Variants in NUP160 observed in about 807,000 individuals in gnomAD.
NUP160 encodes nuclear pore complex protein Nup160.
NUP160 carries 94 observed loss-of-function variants against 196.9 expected under a neutral mutation model. The ratio of observed to expected loss-of-function variants is 0.48; its 90% CI spans 0.40 to 0.57. NUP160 has a LOEUF of 0.57. NUP160 is among the 20% of genes least tolerant of loss of function. The pLI, the probability that NUP160 is intolerant of heterozygous loss-of-function variation, is 0.00. For missense variants in NUP160, 1,638 were observed against 1,748.3 expected (o/e 0.94, Z 1.13); for synonymous variants, 605 against 619.7 (o/e 0.98, Z 0.35).
chr11:47,792,721 C>A, intron 28 of NUP160, 65 bp downstream of exon 28: 7 of 1,407,104 alleles, frequency 5.0e-6, no homozygotes, highest in East Asian at 5.1e-5. Flanking sequence ...TTGAAAGGAC[C>A]AAAACAAGTA....
chr11:47,799,982 T>C (rs1440239309), intron 23 of NUP160, among the ~76,000 whole-genome samples: 2 of 152,222 alleles, frequency 1.3e-5, no homozygotes, highest in East Asian at 1.9e-4. Flanking sequence ...GGCCAGGCAC[T>C]GTGGCTCATG....
chr11:47,834,534 C>T (rs530638145), intron 7 of NUP160, among the ~76,000 whole-genome samples: 1 of 152,314 alleles, frequency 6.6e-6, no homozygotes, highest in African/African-American at 2.4e-5. Context: ...TCTTCCTCTT[C>T]CCTTCCATTC....
intron 22 of NUP160, among the ~76,000 whole-genome samples, chr11:47,802,847 C>T (rs915605695): frequency 2.0e-5 from 3 of 151,768 alleles, no homozygotes; most frequent in Non-Finnish European, 4.4e-5. Flanking sequence ...TGGTGGCTCA[C>T]GCCTGTAGCC....
Position 47,812,242 on chromosome 11 carries a change from A to C in NUP160, c.2081-18T>G, listed in dbSNP as rs1291405740. 5.6e-6 allele frequency: 9 copies of C among 1,613,660 alleles called. No individual in the cohort carries two copies. The highest frequency in any genetic ancestry group is 4.0e-5 in the African/African-American group (3 of 74,914). On this transcript the variant is annotated intron_variant, in intron 16 of 35. Transcript: ENST00000378460. ...AGGCTGAGCTGTAAAAAGAAGAAAA[A>C]TGGAGTTGAATGCATCATTGTTTTA...
At chr11:47,791,235 T>A (rs1427627980) in intron 29 of NUP160, among the ~76,000 whole-genome samples, 1 of 152,184 alleles carries the variant, frequency 6.6e-6, no homozygotes, top group African/African-American at 2.4e-5. Flanking sequence ...GGCCTCAATC[T>A]ACAGTAGACA....
In NUP160 at chr11:47,818,071, T is replaced by C. The variant is rs778015961; in HGVS notation, c.1416A>G (p.Leu472=). The change falls in exon 11 of 36, where the codon TTA becomes TTG. Residue 472 remains leucine (L), a synonymous_variant. Transcript: ENST00000378460. ...TTTTGCTGACCTGTAAAGCCTTACA[T>C]AAAGCTTCATTTGTGAATTGTCCTG... The C allele has an allele frequency of 5.6e-6, 9 of 1,610,662 alleles. No homozygotes were observed. The East Asian group carries it at 2.0e-4, about 36-fold the overall frequency.
chr11:47,794,307 CA>C (rs1017752732), intron 27 of NUP160, among the ~76,000 whole-genome samples: 38 of 152,076 alleles, frequency 2.5e-4, no homozygotes, highest in African/African-American at 8.4e-4. Flanking sequence ...TCCTGGCCAA[CA>C]GGGTGAAACC....
Position 47,808,505 on chromosome 11 carries a change from A to G in NUP160, c.2266T>C (p.Phe756Leu), listed in dbSNP as rs763540768. Residue 756 changes from phenylalanine to leucine, a missense_variant, in exon 18 of 36, where the codon TTT (phenylalanine) becomes CTT (leucine). Physicochemically the swap from Phe to Leu is conservative, Grantham distance 22. This residue lies in a region of NUP160 where 1,345 missense variants were observed against 1,470.2 expected (regional missense o/e 0.91). Coordinates refer to ENST00000378460, the Ensembl canonical transcript of NUP160. The stretch of plus-strand genomic sequence containing the variant: ...TGTAGTAGGTCTTGCTGAGCTTGAA[A>G]GAGCTGACCAGTTCCCCAAATCACC... 27 of 1,613,928 alleles carry G rather than the reference A, an allele frequency of 1.7e-5. No individual in the cohort carries two copies. The South Asian group carries it at 2.7e-4, about 16-fold the overall frequency.
At chr11:47,786,864 C>A in intron 31 of NUP160, 1 of 270,070 alleles carries the variant, frequency 3.7e-6, no homozygotes, top group Non-Finnish European at 7.4e-6. Context: ...TCTCAGCTCA[C>A]TGCAACCTCT....
At chr11:47,837,594 T>C in exon 5 of NUP160, 2 of 1,613,996 alleles carry the variant, frequency 1.2e-6, no homozygotes, top group South Asian at 2.2e-5. Flanking sequence ...ATTACTGAAC[T>C]CTGTTTCAGT....
exon 12 of NUP160, chr11:47,815,972 C>G (rs758220520): frequency 6.2e-7 from 1 of 1,613,514 alleles, no homozygotes; most frequent in African/African-American, 1.3e-5. Flanking sequence ...AAAGTAACTT[C>G]TTTCTTCAGT....
intron 23 of NUP160, among the ~76,000 whole-genome samples, chr11:47,801,366 T>C (rs927999408): frequency 6.6e-6 from 1 of 152,254 alleles, no homozygotes; most frequent in Admixed American, 6.5e-5. Flanking sequence ...TTGTTTTTTT[T>C]TGGAGACGGA....
At chr11:47,839,765 T>C (rs1042816702) in intron 4 of NUP160, 78 bp downstream of exon 4, 28 of 1,191,228 alleles carry the variant, frequency 2.4e-5, no homozygotes, top group South Asian at 3.7e-5. Context: ...AATCCCTGCA[T>C]TGGATGACGA....
At chr11:47,802,747 G>C (rs935445130) in intron 22 of NUP160, among the ~76,000 whole-genome samples, 1 of 152,262 alleles carries the variant, frequency 6.6e-6, no homozygotes, top group South Asian at 2.1e-4. Flanking sequence ...GGCTGAGGTG[G>C]GCAGATCACT....
At chr11:47,784,841 C>T (rs745769664) in intron 33 of NUP160, 81 bp downstream of exon 33, 1 of 1,089,158 alleles carries the variant, frequency 9.2e-7, no homozygotes. Context: ...TGCAATCAGT[C>T]CATATTTTTA....
intron 1 of NUP160, 22 bp downstream of exon 1, chr11:47,848,197 C>A: frequency 6.2e-7 from 1 of 1,613,722 alleles, no homozygotes; most frequent in South Asian, 1.1e-5. Flanking sequence ...TGGGATCGCA[C>A]CCTCCCTGGC....
chr11:47,804,957 A>G (rs2097676575), intron 20 of NUP160, among the ~76,000 whole-genome samples: 1 of 152,094 alleles, frequency 6.6e-6, no homozygotes, highest in Non-Finnish European at 1.5e-5. Flanking sequence ...GGCAACACAT[A>G]AGAGTCCTGT....
chr11:47,790,309 G>T (rs1314134449), intron 29 of NUP160, among the ~76,000 whole-genome samples: 1 of 151,972 alleles, frequency 6.6e-6, no homozygotes, highest in Admixed American at 6.6e-5. Context: ...GCCCAGGCTG[G>T]AGTGCAGTGG....
chr11:47,798,010 CA>C lies in NUP160; in HGVS notation c.3150del (p.Val1051Ter). 6.3e-7 allele frequency: 1 copy of C among 1,581,352 alleles called. No individual in the cohort carries two copies. Among genetic ancestry groups the C allele is most frequent in the Non-Finnish European group, 8.6e-7 (1 of 1,162,592 alleles). On this transcript the variant is annotated frameshift_variant, in exon 26 of 36. Transcript: ENST00000378460. LOFTEE classifies it high-confidence loss of function. ...TGCAGATTCACATAGGGAAACTCTA[CA>C]AGATCCTGTAGCTGTGAGCGTTCAC...
Sources: allele counts gnomAD v4.1 joint callset (sites outside exome capture counted in the v4.1 genomes callset), GRCh38; gene constraint gnomAD v4.1.1; regional missense constraint gnomAD v4.1.1; transcripts MANE v1.5; gene names NCBI Gene and HGNC (gene_info 2026-07-23, HGNC 2026-07-21).